Variants in PSMA1 observed in about 807,000 individuals in gnomAD.
PSMA1 encodes the protein proteasome subunit alpha type-1.
Under a neutral mutation model 38.4 loss-of-function variants are expected in PSMA1, and 3 were observed. That is an observed-to-expected ratio of 0.08 (90% confidence interval 0.04 to 0.20). The LOEUF is 0.20. Ranked by LOEUF, PSMA1 falls within the 10% of genes least tolerant of loss-of-function variation. The pLI is 1.00. For missense variants in PSMA1, 227 were observed against 325.3 expected, an observed-to-expected ratio of 0.70 and a Z score of 2.32; for synonymous variants, 101 against 107.1, an observed-to-expected ratio of 0.94 and a Z score of 0.35.
At chr11:14,619,395 T>A (rs1453932256) in intron 1 of PSMA1, among the ~76,000 whole-genome samples, 1 of 151,960 alleles carries the variant, frequency 6.6e-6, no homozygotes, top group Non-Finnish European at 1.5e-5. Context: ...GTTGAGATAG[T>A]GCCACTGAAC....
chr11:14,505,273 A>G (rs761482852), intron 9 of PSMA1, 25 bp from the exon 10 acceptor site: 1 of 1,593,600 alleles, frequency 6.3e-7, no homozygotes, highest in Non-Finnish European at 8.6e-7. Context: ...AAAAAAAGAA[A>G]ATATGTAAAA....
At chr11:14,505,588 C>CT (rs11414969) in intron 9 of PSMA1, among the ~76,000 whole-genome samples, 48,897 of 150,886 alleles carry the variant, frequency 0.32, 9,025 homozygotes, top group African/African-American at 0.51. Flanking sequence ...TAGGGTGAAG[C>CT]TTTTTTTTGT....
chr11:14,553,346 C>T (rs1198067635), intron 2 of PSMA1, among the ~76,000 whole-genome samples: 1 of 151,850 alleles, frequency 6.6e-6, no homozygotes, highest in Non-Finnish European at 1.5e-5. Context: ...TACCTATACT[C>T]GTGTGTGTGT....
At position 14,510,962 on chromosome 11, in the gene PSMA1, TAA is replaced by T. The variant is rs1851332400; in HGVS notation, c.545-13_545-12del. On this transcript the variant is annotated splice_polypyrimidine_tract_variant and intron_variant, in intron 7 of 9. Transcript: ENST00000396394. ...GTTCATTTAAATTACCTATATGTAA[TAA>T]ATTAACAATTATTTCTTAATTTCAT... 2 of 1,492,546 alleles carry T rather than the reference TAA, an allele frequency of 1.3e-6. No individual in the cohort carries two copies. The highest frequency in any genetic ancestry group is 9.2e-7 in the Non-Finnish European group (1 of 1,087,830). 92.5% of individuals were successfully genotyped at this position (1,492,546 alleles called of 1,614,324 possible).
chr11:14,585,025 A>G (rs1852328714), intron 2 of PSMA1, among the ~76,000 whole-genome samples: 1 of 152,256 alleles, frequency 6.6e-6, no homozygotes, highest in South Asian at 2.1e-4. Flanking sequence ...AGGGTTATAG[A>G]AGATATTCAT....
intron 2 of PSMA1, among the ~76,000 whole-genome samples, chr11:14,600,678 C>T (rs1206512286): frequency 6.6e-6 from 1 of 152,214 alleles, no homozygotes; most frequent in Admixed American, 6.5e-5. Flanking sequence ...AAGGGAAATC[C>T]CCTGACCCCT....
intron 2 of PSMA1, among the ~76,000 whole-genome samples, chr11:14,596,367 T>C (rs1340645864): frequency 6.6e-6 from 1 of 152,268 alleles, no homozygotes; most frequent in African/African-American, 2.4e-5. Flanking sequence ...TGAGTCTTCC[T>C]ATCCATGAAC....
intron 2 of PSMA1, among the ~76,000 whole-genome samples, chr11:14,594,263 A>G (rs572608873): frequency 2.0e-5 from 3 of 152,344 alleles, no homozygotes; most frequent in African/African-American, 7.2e-5. Context: ...TGATATAGTT[A>G]GGAAATAGAA....
At chr11:14,519,984 T>G in intron 1 of PSMA1, 1 of 469,930 alleles carries the variant, frequency 2.1e-6, no homozygotes, top group Non-Finnish European at 3.9e-6. Flanking sequence ...TACACAGCAC[T>G]AGGAGCTATT....
At chr11:14,618,008 A>T (rs1852798044) in intron 1 of PSMA1, among the ~76,000 whole-genome samples, 1 of 152,198 alleles carries the variant, frequency 6.6e-6, no homozygotes, top group Non-Finnish European at 1.5e-5. Flanking sequence ...AGTAGTTTTT[A>T]GGCAATTTCC....
chr11:14,508,569 A>AAAAAAAAAAAAAC (rs1201074271), intron 8 of PSMA1, among the ~76,000 whole-genome samples: 1 of 149,412 alleles, frequency 6.7e-6, no homozygotes, highest in South Asian at 2.1e-4. Flanking sequence ...CTCAAAAAAA[A>AAAAAAAAAAAAAC]AAAAAAAACC....
intron 2 of PSMA1, among the ~76,000 whole-genome samples, chr11:14,582,684 A>AT (rs71044011): frequency 0.41 from 56,291 of 138,726 alleles, 11,488 homozygotes; most frequent in South Asian, 0.47. Flanking sequence ...GGCCCAGCTA[A>AT]TTTTTTTTTT....
chr11:14,527,886 A>G (rs937951693), intron 2 of PSMA1, among the ~76,000 whole-genome samples: 9 of 152,068 alleles, frequency 5.9e-5, no homozygotes, highest in Admixed American at 2.0e-4. Context: ...GTACACTTCA[A>G]TACTTTCACC....
At chr11:14,573,604 A>G (rs1852175642) in intron 2 of PSMA1, among the ~76,000 whole-genome samples, 1 of 152,246 alleles carries the variant, frequency 6.6e-6, no homozygotes, top group South Asian at 2.1e-4. Context: ...AACTGGCACA[A>G]GACAGGGATG....
At chr11:14,559,728 T>C (rs1313330384) in intron 2 of PSMA1, among the ~76,000 whole-genome samples, 1 of 152,204 alleles carries the variant, frequency 6.6e-6, no homozygotes. Context: ...CTTTATACAG[T>C]CAAATGCTTA....
At chr11:14,561,619 C>CAACTCCCCA (rs1230301564) in intron 2 of PSMA1, among the ~76,000 whole-genome samples, 1,757 of 152,220 alleles carry the variant, frequency 0.012, 30 homozygotes, top group African/African-American at 0.04. Context: ...CTCATGTTAC[C>CAACTCCCCA]TACCCACCCA....
chr11:14,519,797 T>C (rs1851495411), intron 1 of PSMA1: 1 of 158,236 alleles, frequency 6.3e-6, no homozygotes, highest in Admixed American at 6.2e-5. Flanking sequence ...CATCCGCAAC[T>C]AGGTGACTGG....
intron 2 of PSMA1, among the ~76,000 whole-genome samples, chr11:14,550,293 A>T (rs1851871940): frequency 6.6e-6 from 1 of 152,212 alleles, no homozygotes; most frequent in Non-Finnish European, 1.5e-5. Context: ...AATCAAAATA[A>T]AACACAGCTT....
chr11:14,631,851 T>C (rs1232751605), intron 1 of PSMA1, among the ~76,000 whole-genome samples: 13 of 151,088 alleles, frequency 8.6e-5, no homozygotes, highest in Non-Finnish European at 1.8e-4. Flanking sequence ...TTGGTGCTCC[T>C]GTATTGGGTG....
Sources: gnomAD v4.1 joint callset for allele counts (sites outside exome capture counted in the v4.1 genomes callset) on GRCh38, gnomAD v4.1.1 for gene constraint, MANE v1.5 for transcripts, NCBI Gene and HGNC (gene_info 2026-07-23, HGNC 2026-07-21) for gene names.